Variants in ZFHX3 observed in about 807,000 individuals in gnomAD.
The protein encoded by ZFHX3 is zinc finger homeobox 3.
ZFHX3 carries 42 observed loss-of-function variants against 279.1 expected under a neutral mutation model. The observed-to-expected ratio is 0.15, with a 90% CI of 0.12 to 0.19. ZFHX3 has a LOEUF of 0.19. ZFHX3 is among the 10% of genes least tolerant of loss of function. The pLI, the probability that ZFHX3 is intolerant of heterozygous loss-of-function variation, is 1.00. For missense variants in ZFHX3, 4,981 were observed against 4,754.0 expected (o/e 1.05, Z -1.40); for synonymous variants, 2,293 against 1,957.8 (o/e 1.17, Z -4.52).
At chr16:73,759,558 T>C (rs1198485369) in intron 1 of ZFHX3, among the ~76,000 whole-genome samples, 1 of 152,134 alleles carries the variant, frequency 6.6e-6, no homozygotes, top group Non-Finnish European at 1.5e-5. Flanking sequence ...CAGAGAAGTA[T>C]GGGGAAAGAA....
chr16:72,903,980 C>A (rs895867725), intron 3 of ZFHX3, among the ~76,000 whole-genome samples: 1 of 152,200 alleles, frequency 6.6e-6, no homozygotes. Flanking sequence ...TGCAAACCAC[C>A]TTTGCTCCTC....
intron 1 of ZFHX3, among the ~76,000 whole-genome samples, chr16:73,682,545 G>A (rs1369563463): frequency 6.6e-6 from 1 of 151,972 alleles, no homozygotes; most frequent in African/African-American, 2.4e-5. Context: ...CAGCAGTTTC[G>A]GAAGCCGAGG....
At chr16:72,798,758 CTT>C in intron 8 of ZFHX3, 44 bp from the exon 9 acceptor site, 1 of 1,507,426 alleles carries the variant, frequency 6.6e-7, no homozygotes, top group Non-Finnish European at 8.8e-7. Flanking sequence ...ATAAAGAAGG[CTT>C]TGTTTCAAGG....
At chr16:73,230,249 A>T (rs1265792990) in intron 5 of ZFHX3, among the ~76,000 whole-genome samples, 1 of 152,244 alleles carries the variant, frequency 6.6e-6, no homozygotes, top group African/African-American at 2.4e-5. Context: ...GAAATTGCAG[A>T]TAGATGCAAG....
intron 3 of ZFHX3, among the ~76,000 whole-genome samples, chr16:72,895,200 G>T (rs2038869942): frequency 6.6e-6 from 1 of 152,172 alleles, no homozygotes. Flanking sequence ...GGTGATGCAG[G>T]CAGTGTCAGC....
At chr16:73,145,990 T>G (rs1049438537) in intron 5 of ZFHX3, among the ~76,000 whole-genome samples, 2 of 152,210 alleles carry the variant, frequency 1.3e-5, no homozygotes, top group South Asian at 4.1e-4. Flanking sequence ...TTTCTTTATC[T>G]ACTGGTGGCA....
chr16:73,184,869 G>C (rs761178675), intron 5 of ZFHX3, among the ~76,000 whole-genome samples: 16 of 152,206 alleles, frequency 1.1e-4, no homozygotes, highest in Non-Finnish European at 1.9e-4. Flanking sequence ...AGGTTATCCT[G>C]AGAAACATTC....
intron 2 of ZFHX3, among the ~76,000 whole-genome samples, chr16:73,628,989 G>A (rs896484951): frequency 1.1e-4 from 17 of 152,138 alleles, no homozygotes; most frequent in Non-Finnish European, 1.8e-4. Flanking sequence ...TGATACAGGA[G>A]GACAATGAAT....
chr16:73,331,250 C>A (rs532447572), intron 3 of ZFHX3, among the ~76,000 whole-genome samples: 1 of 152,146 alleles, frequency 6.6e-6, no homozygotes, highest in Admixed American at 6.5e-5. Flanking sequence ...GAGGAACCGC[C>A]CCCATAATCT....
intron 2 of ZFHX3, among the ~76,000 whole-genome samples, chr16:73,529,856 C>T (rs534929440): frequency 3.7e-4 from 57 of 152,220 alleles, no homozygotes; most frequent in Non-Finnish European, 5.9e-4. Flanking sequence ...TGTGATGACG[C>T]GTAGCAACCA....
chr16:73,323,027 C>T (rs935838127), intron 3 of ZFHX3, among the ~76,000 whole-genome samples: 3 of 152,308 alleles, frequency 2.0e-5, no homozygotes, highest in Non-Finnish European at 2.9e-5. Flanking sequence ...AGAGCTGCAG[C>T]GGAGACCCTG....
At position 73,714,156 on chromosome 16, in the gene ZFHX3, T is replaced by C. The variant is rs559769680; in HGVS notation, c.-1607-33916A>G. 2.6e-5 allele frequency among the ~76,000 whole-genome samples: 4 copies of C among 152,272 alleles called. No homozygotes were observed. In the South Asian group the frequency reaches 8.3e-4, roughly 32 times the overall value. On this transcript the variant is annotated intron_variant, in intron 1 of 17. Transcript: ENST00000641206. ...AACAACTGGGAGCATGCTGCTTGGG[T>C]GACCCACATCAGTAGGTTTTAAAAG...
intron 9 of ZFHX3, among the ~76,000 whole-genome samples, chr16:72,792,906 T>C (rs970043838): frequency 2.6e-5 from 4 of 152,228 alleles, no homozygotes; most frequent in Non-Finnish European, 5.9e-5. Flanking sequence ...ACAACAAATA[T>C]CTAGACAGGA....
chr16:73,356,504 C>T (rs1270574548), intron 3 of ZFHX3, among the ~76,000 whole-genome samples: 6 of 152,120 alleles, frequency 3.9e-5, no homozygotes, highest in East Asian at 3.9e-4. Flanking sequence ...GGACCCCTCA[C>T]GGCGGTGACA....
At chr16:73,423,795 G>A (rs1310011997) in intron 3 of ZFHX3, among the ~76,000 whole-genome samples, 2 of 151,614 alleles carry the variant, frequency 1.3e-5, no homozygotes, top group African/African-American at 4.9e-5. Flanking sequence ...CTGGGAGGTG[G>A]AGGTTGCAGT....
At chr16:73,042,238 G>T (rs1473376336) in intron 1 of ZFHX3, among the ~76,000 whole-genome samples, 1 of 152,130 alleles carries the variant, frequency 6.6e-6, no homozygotes. Context: ...AAGCCCCTTG[G>T]TCTTTCTGCA....
chr16:73,048,152 C>A, upstream of ZFHX3: 1 of 153,392 alleles, frequency 6.5e-6, no homozygotes, highest in South Asian at 1.9e-4. Context: ...CAGTTTGCAG[C>A]GCGCACCGCC....
intron 2 of ZFHX3, among the ~76,000 whole-genome samples, chr16:73,497,528 G>T (rs972577166): frequency 3.9e-5 from 6 of 152,126 alleles, no homozygotes; most frequent in African/African-American, 1.4e-4. Context: ...AAATTAGATG[G>T]GTGTGGAAGC....
intron 2 of ZFHX3, among the ~76,000 whole-genome samples, chr16:73,663,222 ACATCTGAAATTCAGTAGCTTGCTTCC>A (rs1449540579): frequency 6.6e-6 from 1 of 152,218 alleles, no homozygotes; most frequent in Non-Finnish European, 1.5e-5. Flanking sequence ...CACAACAAGA[ACATCTGAAATTCAGTAGCTTGCTTCC>A]CATCTTTTTG....
Sources: allele counts gnomAD v4.1 joint callset (sites outside exome capture counted in the v4.1 genomes callset), GRCh38; gene constraint gnomAD v4.1.1; transcripts MANE v1.5; gene names NCBI Gene and HGNC (gene_info 2026-07-23, HGNC 2026-07-21).